Variants in MYRIP observed in about 807,000 individuals in gnomAD.
MYRIP encodes rab effector MyRIP.
MYRIP carries 49 observed loss-of-function variants against 98.0 expected under a neutral mutation model. The observed-to-expected ratio is 0.50, with a 90% CI of 0.40 to 0.63. The LOEUF (loss-of-function observed/expected upper bound fraction) is 0.63, where lower values mean the gene tolerates loss of function less well. Among genes scored for constraint, MYRIP ranks in the 30% least tolerant of loss-of-function variants. MYRIP has a pLI of 0.00. For synonymous variants in MYRIP, 404 were observed against 409.5 expected (o/e 0.99, Z 0.16); for missense variants, 1,004 against 1,058.2 (o/e 0.95, Z 0.71).
chr3:39,994,283 T>C (rs892935734), intron 2 of MYRIP, among the ~76,000 whole-genome samples: 11 of 152,212 alleles, frequency 7.2e-5, no homozygotes, highest in Admixed American at 7.2e-4. Flanking sequence ...GAATTCACTT[T>C]CCTAGTCAAA....
chr3:40,041,022 G>GAAAAAAAAAAAAAAAAAA, intron 2 of MYRIP, among the ~76,000 whole-genome samples: 3 of 41,198 alleles, frequency 7.3e-5, no homozygotes, highest in Non-Finnish European at 1.4e-4. Flanking sequence ...ATTACCAGCA[G>GAAAAAAAAAAAAAAAAAA]AAAAAAAAAA....
intron 7 of MYRIP, among the ~76,000 whole-genome samples, chr3:40,168,680 C>CT (rs1950549014): frequency 6.6e-6 from 1 of 152,208 alleles, no homozygotes; most frequent in South Asian, 2.1e-4. Flanking sequence ...CATCAGCTGC[C>CT]TGTGGCCATG....
intron 2 of MYRIP, among the ~76,000 whole-genome samples, chr3:39,952,058 C>T (rs988314903): frequency 6.6e-6 from 1 of 152,156 alleles, no homozygotes; most frequent in Non-Finnish European, 1.5e-5. Flanking sequence ...CATTCAGCCT[C>T]TTCCCACCCT....
intron 12 of MYRIP, 77 bp from the exon 13 acceptor site, chr3:40,244,369 G>A: frequency 1.5e-6 from 2 of 1,356,682 alleles, no homozygotes; most frequent in Non-Finnish European, 2.0e-6. Context: ...CCCCTGAATT[G>A]CTGGGGTCCC....
intron 2 of MYRIP, among the ~76,000 whole-genome samples, chr3:40,031,207 C>A (rs1036325058): frequency 6.6e-6 from 1 of 152,066 alleles, no homozygotes; most frequent in Non-Finnish European, 1.5e-5. Context: ...TGTGTCCTCA[C>A]ATCGTGGAAG....
At chr3:40,180,989 A>C (rs72856966) in intron 8 of MYRIP, among the ~76,000 whole-genome samples, 6,650 of 152,238 alleles carry the variant, frequency 0.044, 465 homozygotes, top group African/African-American at 0.15. Flanking sequence ...AGTCCTTAGG[A>C]GGCAAGGCCA....
At chr3:39,951,405 G>A (rs746346522) in intron 2 of MYRIP, among the ~76,000 whole-genome samples, 5 of 151,986 alleles carry the variant, frequency 3.3e-5, no homozygotes, top group Admixed American at 6.6e-5. Context: ...TAAATCTAAA[G>A]TGCATTCAGA....
chr3:39,996,947 A>G (rs1248325650), intron 2 of MYRIP, among the ~76,000 whole-genome samples: 16 of 152,300 alleles, frequency 1.1e-4, no homozygotes, highest in Admixed American at 2.6e-4. Context: ...GGTACGTAAC[A>G]AAATGAAGGC....
intron 12 of MYRIP, 57 bp from the exon 13 acceptor site, chr3:40,244,389 C>A (rs935226399): frequency 2.0e-6 from 3 of 1,520,596 alleles, no homozygotes; most frequent in Non-Finnish European, 1.8e-6. Context: ...CCTCAAGGGA[C>A]CCCCAACCAG....
intron 11 of MYRIP, among the ~76,000 whole-genome samples, chr3:40,221,840 T>C (rs775684154): frequency 5.2e-4 from 79 of 152,228 alleles, no homozygotes; most frequent in Non-Finnish European, 2.5e-4. Context: ...TATTACAATG[T>C]AGTTCATCAA....
intron 3 of MYRIP, among the ~76,000 whole-genome samples, chr3:40,105,715 A>G (rs1378352731): frequency 6.6e-6 from 1 of 152,124 alleles, no homozygotes; most frequent in African/African-American, 2.4e-5. Context: ...GAAACTTATG[A>G]TCATGGTGGA....
At chr3:40,031,098 T>C (rs1353106433) in intron 2 of MYRIP, among the ~76,000 whole-genome samples, 1 of 151,990 alleles carries the variant, frequency 6.6e-6, no homozygotes, top group African/African-American at 2.4e-5. Context: ...ACAAAAGAAA[T>C]GTATTTCTCA....
At chr3:39,932,462 G>A (rs559558700) in intron 2 of MYRIP, among the ~76,000 whole-genome samples, 13 of 151,912 alleles carry the variant, frequency 8.6e-5, no homozygotes, top group Non-Finnish European at 1.6e-4. Context: ...CCAGGTTCAC[G>A]CCATTCTCCT....
Position 40,259,098 on chromosome 3 carries a change from C to T in MYRIP, c.*932C>T, listed in dbSNP as rs1575691954. The T allele has an allele frequency of 1.3e-5, 2 of 152,080 alleles. No homozygotes were observed. The highest frequency in any genetic ancestry group is 1.3e-4 in the Admixed American group (2 of 15,276). The allele number at this position is 152,080 out of a possible 1,614,324, so 9.4% of individuals were successfully genotyped here. A position where few individuals can be genotyped will look rare whatever the true frequency, so the allele number is the denominator to read the frequency against. Reference sequence around the variant, plus strand: ...CCAAATTTACTTCCCAATAAATATTCAGCAAAGTAGTAAAATGACCTTAAA... The same window carrying T: ...CCAAATTTACTTCCCAATAAATATTTAGCAAAGTAGTAAAATGACCTTAAA... On this transcript the variant is annotated 3_prime_UTR_variant, in exon 17 of 17. Transcript: ENST00000302541.
rs138479522 is a variant in MYRIP, at chr3:40,022,907, C to T, written c.111-21143C>T. Among the ~76,000 whole-genome samples, 37 of 152,186 alleles carry T rather than the reference C, an allele frequency of 2.4e-4. No homozygotes were observed. In the East Asian group the frequency reaches 6.4e-3, roughly 26 times the overall value. On this transcript the variant is annotated intron_variant, in intron 2 of 16. Coordinates refer to ENST00000302541, the MANE Select transcript of MYRIP (RefSeq NM_015460.4). ...TTTTGAGTTTGATTCCACATAAGAT[C>T]GTGACCTGGAAAAGAGACTGGCAGT... is the stretch of plus-strand genomic sequence containing the variant.
chr3:39,861,151 C>A (rs9832990), intron 1 of MYRIP, among the ~76,000 whole-genome samples: 3 of 152,030 alleles, frequency 2.0e-5, no homozygotes, highest in Non-Finnish European at 2.9e-5. Context: ...GGTTCCTAAC[C>A]TCAACAGGCT....
rs541588103 is a variant in MYRIP, at chr3:39,976,070, G to A, written c.111-67980G>A. 6.7e-4 allele frequency among the ~76,000 whole-genome samples: 102 copies of A among 152,258 alleles called. 2 individuals are homozygous for A. In the Middle Eastern group the frequency reaches 0.014, roughly 20 times the overall value. Reference sequence around the variant, plus strand: ...AAATGGGTTCTAATTAAACTAAAGAGCTTCTGCACAGCAAAAGAAACTACC... The same window carrying A: ...AAATGGGTTCTAATTAAACTAAAGAACTTCTGCACAGCAAAAGAAACTACC... On this transcript the variant is annotated intron_variant, in intron 2 of 16. Transcript: ENST00000302541.
intron 2 of MYRIP, among the ~76,000 whole-genome samples, chr3:40,026,891 C>T (rs1046631235): frequency 2.0e-5 from 3 of 152,126 alleles, no homozygotes; most frequent in African/African-American, 7.2e-5. Context: ...GCCTTTTTCC[C>T]TGAGCTTAAA....
At chr3:39,834,071 A>T (rs1486201547) in intron 1 of MYRIP, among the ~76,000 whole-genome samples, 1 of 152,178 alleles carries the variant, frequency 6.6e-6, no homozygotes, top group African/African-American at 2.4e-5. Flanking sequence ...GTTCTTTTCT[A>T]TCCAGTTTGA....
Sources: gnomAD v4.1 joint callset for allele counts (sites outside exome capture counted in the v4.1 genomes callset) on GRCh38, gnomAD v4.1.1 for gene constraint, MANE v1.5 for transcripts, NCBI Gene and HGNC (gene_info 2026-07-23, HGNC 2026-07-21) for gene names.